Variants in BPTF observed in about 807,000 individuals in gnomAD.
The protein encoded by BPTF is bromodomain PHD finger transcription factor.
In BPTF, 18 loss-of-function variants were observed where a neutral mutation model predicts 292.5. The ratio of observed to expected loss-of-function variants is 0.06; its 90% CI spans 0.04 to 0.09. BPTF has a LOEUF of 0.09. BPTF is among the 10% of genes least tolerant of loss of function. BPTF has a pLI of 1.00. For synonymous variants in BPTF, 1,225 were observed against 1,251.9 expected, an observed-to-expected ratio of 0.98 and a Z score of 0.45; for missense variants, 2,726 against 3,498.7, an observed-to-expected ratio of 0.78 and a Z score of 5.57.
intron 13 of BPTF, among the ~76,000 whole-genome samples, chr17:67,922,390 G>T (rs1306870359): frequency 6.6e-6 from 1 of 152,118 alleles, no homozygotes. Flanking sequence ...CCCCTTCTCT[G>T]TGCGGTGATA....
At chr17:67,945,380 T>G (rs868937091) in intron 20 of BPTF, 29 bp from the exon 21 acceptor site, 1 of 1,584,518 alleles carries the variant, frequency 6.3e-7, no homozygotes. Flanking sequence ...TCCAGAGTAA[T>G]AGAAATGGTT....
At chr17:67,966,720 A>T (rs2068137321) in intron 26 of BPTF, 64 bp downstream of exon 26, 1 of 1,305,018 alleles carries the variant, frequency 7.7e-7, no homozygotes, top group Admixed American at 2.7e-5. Context: ...TTATCCATAA[A>T]ATTAATATCT....
At chr17:67,976,097 C>A in intron 27 of BPTF, 139 bp downstream of exon 27, 1 of 640,462 alleles carries the variant, frequency 1.6e-6, no homozygotes, top group South Asian at 3.4e-5. Flanking sequence ...TAAATCAAGA[C>A]TCCAGGGTTA....
At chr17:67,958,314 AGAGT>A (rs2067142386) in intron 23 of BPTF, among the ~76,000 whole-genome samples, 2 of 152,200 alleles carry the variant, frequency 1.3e-5, no homozygotes, top group Admixed American at 1.3e-4. Context: ...CCTGGGTGAC[AGAGT>A]GAGACCCACT....
chr17:67,909,054 C>CA (rs2062454345), intron 9 of BPTF, among the ~76,000 whole-genome samples: 1 of 151,284 alleles, frequency 6.6e-6, no homozygotes, highest in African/African-American at 2.4e-5. Flanking sequence ...AGGCTGGTCT[C>CA]AAACTCCTGA....
In BPTF at chr17:67,825,995, G is replaced by C; in HGVS notation, c.271G>C (p.Gly91Arg). 8.8e-7 allele frequency: 1 copy of C among 1,133,248 alleles called. No homozygotes were observed. The highest frequency in any genetic ancestry group is 1.1e-6 in the Non-Finnish European group (1 of 924,338). 70.2% of individuals were successfully genotyped at this position (1,133,248 alleles called of 1,614,324 possible). Residue 91 changes from glycine (G) to arginine (R), a missense_variant, in exon 1 of 28, where the codon GGC becomes CGC. Gly to Arg is a moderately radical substitution (Grantham distance 125). Coordinates refer to ENST00000306378, the MANE Select transcript of BPTF (RefSeq NM_182641.4). Reference sequence around the variant, plus strand: ...GGCCCCCCCCAGCACCAGCGCCCCGGGCCGGGGGGGGCGAGGAGGCGGGGG... The same window carrying C: ...GGCCCCCCCCAGCACCAGCGCCCCGCGCCGGGGGGGGCGAGGAGGCGGGGG... The part of the protein sequence containing the change: ...PPAPPSTSAP[G>R]RGGRGGGGGR...
intron 26 of BPTF, among the ~76,000 whole-genome samples, chr17:67,967,949 C>T (rs2068312469): frequency 6.6e-6 from 1 of 151,310 alleles, no homozygotes; most frequent in Non-Finnish European, 1.5e-5. Context: ...GTTGGGGTCT[C>T]TTTGATCCTC....
chr17:67,930,371 G>A (rs1484602857), intron 17 of BPTF, among the ~76,000 whole-genome samples: 2 of 151,624 alleles, frequency 1.3e-5, no homozygotes, highest in African/African-American at 4.8e-5. Context: ...GCTAATTTTT[G>A]TATTTTTAGT....
At chr17:67,959,084 T>C (rs1440548485) in intron 23 of BPTF, among the ~76,000 whole-genome samples, 9 of 152,238 alleles carry the variant, frequency 5.9e-5, no homozygotes, top group African/African-American at 2.2e-4. Flanking sequence ...CTGCCTCTTT[T>C]CTGCTTTATG....
intron 3 of BPTF, among the ~76,000 whole-genome samples, chr17:67,869,185 TACA>T (rs2059560812): frequency 6.6e-6 from 1 of 152,296 alleles, no homozygotes; most frequent in Non-Finnish European, 1.5e-5. Flanking sequence ...TGTGTTTTAG[TACA>T]ACAACAGAGA....
intron 26 of BPTF, among the ~76,000 whole-genome samples, chr17:67,968,704 C>T (rs1448012821): frequency 6.6e-6 from 1 of 150,572 alleles, no homozygotes; most frequent in African/African-American, 2.5e-5. Context: ...AGGAGAATGA[C>T]GTGAACCCGG....
chr17:67,981,528 C>A, intron 27 of BPTF: 1 of 1,113,094 alleles, frequency 9.0e-7, no homozygotes, highest in Non-Finnish European at 1.1e-6. Flanking sequence ...TTACCTAATT[C>A]AAAATTGCCC....
intron 4 of BPTF, among the ~76,000 whole-genome samples, chr17:67,888,399 C>T (rs1469158581): frequency 6.6e-6 from 1 of 151,606 alleles, no homozygotes; most frequent in Non-Finnish European, 1.5e-5. Context: ...CCAGTCTGGC[C>T]AACATAGTGA....
At chr17:67,867,827 A>T (rs1176476579) in intron 3 of BPTF, among the ~76,000 whole-genome samples, 1 of 152,034 alleles carries the variant, frequency 6.6e-6, no homozygotes, top group African/African-American at 2.4e-5. Flanking sequence ...GATGATGTTA[A>T]CCTTGGTCCC....
Position 67,983,437 on chromosome 17 carries a change from A to G in BPTF, c.*1149A>G, listed in dbSNP as rs531875304. On this transcript the variant is annotated 3_prime_UTR_variant, in exon 28 of 28. Transcript: ENST00000306378. The stretch of plus-strand genomic sequence containing the variant: ...ATTCTGTGATACCAGGCAAATTACC[A>G]ATTACACACAGCTACTTATATTTTA... 152 of 152,784 alleles carry G rather than the reference A, an allele frequency of 9.9e-4. 1 individual carries two copies. Among genetic ancestry groups the G allele is most frequent in the Non-Finnish European group, 1.4e-3 (98 of 68,034 alleles). 9.5% of individuals were successfully genotyped at this position (152,784 alleles called of 1,614,324 possible).
intron 6 of BPTF, 48 bp downstream of exon 6, chr17:67,893,773 T>C (rs752260529): frequency 1.5e-6 from 2 of 1,367,334 alleles, no homozygotes; most frequent in Non-Finnish European, 2.0e-6. Context: ...ACTAAATGTT[T>C]ATAAAATGAT....
At chr17:67,871,373 A>T (rs1011607031) in intron 3 of BPTF, among the ~76,000 whole-genome samples, 1 of 149,370 alleles carries the variant, frequency 6.7e-6, no homozygotes, top group African/African-American at 2.5e-5. Flanking sequence ...ACCCAGAGGC[A>T]GAGGTTGCAG....
At chr17:67,868,916 T>C (rs1054456080) in intron 3 of BPTF, among the ~76,000 whole-genome samples, 1 of 152,224 alleles carries the variant, frequency 6.6e-6, no homozygotes, top group East Asian at 1.9e-4. Context: ...CCATGAATTA[T>C]ATTTATTCAT....
intron 3 of BPTF, among the ~76,000 whole-genome samples, chr17:67,873,992 C>CTGGATGGATGGATGGA (rs34261763): frequency 0.028 from 4,234 of 150,424 alleles, 204 homozygotes; most frequent in African/African-American, 0.098. Flanking sequence ...TAAGAAAATG[C>CTGGATGGATGGATGGA]TGGATGGATG....
Sources: gnomAD v4.1 joint callset for allele counts (sites outside exome capture counted in the v4.1 genomes callset) on GRCh38, gnomAD v4.1.1 for gene constraint, MANE v1.5 for transcripts, NCBI Gene and HGNC (gene_info 2026-07-23, HGNC 2026-07-21) for gene names.